RELN: variants seen among roughly 807,000 people sequenced by gnomAD.
The protein encoded by RELN is reelin.
RELN carries 108 observed loss-of-function variants against 427.6 expected under a neutral mutation model. The observed-to-expected ratio is 0.25, with a 90% confidence interval of 0.22 to 0.30. The LOEUF (loss-of-function observed/expected upper bound fraction) is 0.30, where lower values mean the gene tolerates loss of function less well. Among genes scored for constraint, RELN ranks in the 10% least tolerant of loss-of-function variants. The pLI is 1.00. For missense variants in RELN, 3,715 were observed against 4,302.8 expected, an observed-to-expected ratio of 0.86 and a Z score of 3.82; for synonymous variants, 1,524 against 1,513.4, an observed-to-expected ratio of 1.01 and a Z score of -0.16.
At chr7:103,675,592 C>G (rs905965523) in intron 11 of RELN, among the ~76,000 whole-genome samples, 2 of 150,488 alleles carry the variant, frequency 1.3e-5, no homozygotes, top group African/African-American at 2.5e-5. Flanking sequence ...CAATCCTAAG[C>G]CAAAAGAACA....
chr7:103,585,368 G>A (rs1050560005), intron 28 of RELN, among the ~76,000 whole-genome samples: 1 of 152,056 alleles, frequency 6.6e-6, no homozygotes, highest in Non-Finnish European at 1.5e-5. Flanking sequence ...TAATAAAGGT[G>A]ACATTACAAC....
rs193185127 is a variant in RELN, at chr7:103,498,588, T to C, written c.8668-336A>G. ...CTAACTGCAGCCTCTGCCTCCCGGG[T>C]TCAAGCAATTCTCATGCCTCTGCCT... On this transcript the variant is annotated intron_variant, in intron 53 of 64. Transcript: ENST00000428762. Among the ~76,000 whole-genome samples the C allele has an allele frequency of 2.2e-3, 333 of 151,866 alleles. 1 individual carries two copies. Among genetic ancestry groups the C allele is most frequent in the African/African-American group, 7.7e-3 (319 of 41,402 alleles).
At position 103,642,702 on chromosome 7, in the gene RELN, T is replaced by C. The variant is rs1314816471; in HGVS notation, c.2003-2093A>G. 3.9e-5 allele frequency among the ~76,000 whole-genome samples: 6 copies of C among 152,132 alleles called. No homozygotes were observed. The East Asian group carries it at 9.6e-4, about 24-fold the overall frequency. On this transcript the variant is annotated intron_variant, in intron 16 of 64. Transcript: ENST00000428762. ...TTTTCATAGGCTTACATGTGCTTCA[T>C]TGCACTCTTAATTTTCTCATATACT...
chr7:103,551,322 C>A, intron 40 of RELN, 26 bp from the exon 41 acceptor site: 1 of 1,513,422 alleles, frequency 6.6e-7, no homozygotes, highest in Non-Finnish European at 9.1e-7. Flanking sequence ...AAAAATGATA[C>A]AAATTACCTC....
At chr7:103,742,892 A>G (rs990339518) in intron 6 of RELN, among the ~76,000 whole-genome samples, 2 of 152,120 alleles carry the variant, frequency 1.3e-5, no homozygotes, top group Admixed American at 6.5e-5. Flanking sequence ...CCAACATTCA[A>G]ATTCAGGAAA....
chr7:103,848,626 T>G (rs1293104748), intron 2 of RELN, among the ~76,000 whole-genome samples: 1 of 152,160 alleles, frequency 6.6e-6, no homozygotes, highest in African/African-American at 2.4e-5. Context: ...CTCATGAGGC[T>G]GAGTCTGATA....
At position 103,989,356 on chromosome 7, in the gene RELN, T is replaced by TGCCGAC; in HGVS notation, c.-1_1insGTCGGC. The TGCCGAC allele has an allele frequency of 7.1e-7, 1 of 1,407,848 alleles. No individual in the cohort carries two copies. Among genetic ancestry groups the TGCCGAC allele is most frequent in the Non-Finnish European group, 9.2e-7 (1 of 1,082,216 alleles). 87.2% of individuals were successfully genotyped at this position (1,407,848 alleles called of 1,614,324 possible). A position where few individuals can be genotyped will look rare whatever the true frequency, so the allele number is the denominator to read the frequency against. On this transcript the variant is annotated 5_prime_UTR_variant, in exon 1 of 65. Coordinates refer to ENST00000428762, the MANE Select transcript of RELN (RefSeq NM_005045.4). The surrounding 1 kb of genome is among the most constrained non-coding windows in gnomAD (Gnocchi z 4.9). ...TGCCGGGCCCAGCCACTGCGCTCCA[T>TGCCGAC]GCCGCCGCCGCCGCCGCCGCCGCCG... is the stretch of plus-strand genomic sequence containing the variant.
At chr7:103,579,917 A>G (rs1831091434) in intron 28 of RELN, among the ~76,000 whole-genome samples, 1 of 152,200 alleles carries the variant, frequency 6.6e-6, no homozygotes, top group African/African-American at 2.4e-5. Flanking sequence ...TCCTGCACAG[A>G]GACACCCACT....
chr7:103,771,930 AC>A (rs775553854), intron 4 of RELN, among the ~76,000 whole-genome samples: 1 of 151,546 alleles, frequency 6.6e-6, no homozygotes, highest in South Asian at 2.1e-4. Context: ...AACACATTCC[AC>A]CCCCAACCCC....
chr7:103,735,873 T>G (rs1170939899), intron 6 of RELN, among the ~76,000 whole-genome samples: 1 of 152,214 alleles, frequency 6.6e-6, no homozygotes, highest in Non-Finnish European at 1.5e-5. Context: ...TTCTATAAGC[T>G]TGCATTTCTG....
chr7:103,696,292 C>G (rs369914488), intron 10 of RELN, among the ~76,000 whole-genome samples: 1 of 152,080 alleles, frequency 6.6e-6, no homozygotes, highest in African/African-American at 2.4e-5. Context: ...TTCATATCAC[C>G]TAAGTGCAAT....
In RELN at chr7:103,619,335, C is replaced by T. The variant is rs1009273232; in HGVS notation, c.2703-7532G>A. Reference sequence around the variant, plus strand: ...CTTCTAACTGGGCTATGTGCACTTACAGCAGTGCTGCTGTGGGACGGGAGA... The same window carrying T: ...CTTCTAACTGGGCTATGTGCACTTATAGCAGTGCTGCTGTGGGACGGGAGA... On this transcript the variant is annotated intron_variant, in intron 20 of 64. Transcript: ENST00000428762. 3.9e-5 allele frequency among the ~76,000 whole-genome samples: 6 copies of T among 152,106 alleles called. No homozygotes were observed. In the East Asian group the frequency reaches 1.2e-3, roughly 29 times the overall value.
intron 11 of RELN, among the ~76,000 whole-genome samples, chr7:103,663,051 T>C (rs1177579652): frequency 1.3e-5 from 2 of 152,104 alleles, no homozygotes; most frequent in African/African-American, 4.8e-5. Flanking sequence ...GCCCTCTGAA[T>C]CTTAACTTTT....
chr7:103,667,395 C>G (rs1334867690), intron 11 of RELN, among the ~76,000 whole-genome samples: 1 of 152,074 alleles, frequency 6.6e-6, no homozygotes, highest in Admixed American at 6.5e-5. Flanking sequence ...TAAATGTAGT[C>G]TGGTTATTAA....
chr7:103,834,778 A>G (rs944820636), intron 2 of RELN, among the ~76,000 whole-genome samples: 2 of 152,178 alleles, frequency 1.3e-5, no homozygotes, highest in African/African-American at 4.8e-5. Flanking sequence ...GAATGTCCCA[A>G]ATCCGGAATA....
At chr7:103,550,182 G>A (rs1225631707) in intron 41 of RELN, among the ~76,000 whole-genome samples, 1 of 152,210 alleles carries the variant, frequency 6.6e-6, no homozygotes, top group Admixed American at 6.5e-5. Flanking sequence ...GGAGTGGATA[G>A]ATTCATGTTC....
At chr7:103,900,970 A>T (rs571280804) in intron 2 of RELN, among the ~76,000 whole-genome samples, 1 of 151,432 alleles carries the variant, frequency 6.6e-6, no homozygotes, top group African/African-American at 2.4e-5. Flanking sequence ...GTGAAAAAAA[A>T]CTCCATGTTA....
chr7:103,836,496 ACT>A (rs985213318), intron 2 of RELN, among the ~76,000 whole-genome samples: 13 of 152,074 alleles, frequency 8.5e-5, no homozygotes, highest in African/African-American at 3.1e-4. Flanking sequence ...CTTCAAGAAG[ACT>A]CTGAATAGTT....
intron 48 of RELN, among the ~76,000 whole-genome samples, chr7:103,520,976 T>A (rs928286176): frequency 2.3e-5 from 3 of 133,008 alleles, no homozygotes; most frequent in Non-Finnish European, 4.9e-5. Context: ...TTTTTTTTTT[T>A]TTTTTTTTTT....
Sources: gnomAD v4.1 joint callset for allele counts (sites outside exome capture counted in the v4.1 genomes callset) on GRCh38, gnomAD v4.1.1 for gene constraint, Gnocchi (gnomAD v3.1) non-coding constraint, MANE v1.5 for transcripts, NCBI Gene and HGNC (gene_info 2026-07-23, HGNC 2026-07-21) for gene names.